Variants in FAM13B observed in about 807,000 individuals in gnomAD.
FAM13B encodes family with sequence similarity 13 member B.
In FAM13B, 60 loss-of-function variants were observed where a neutral mutation model predicts 117.3. That is an observed-to-expected ratio of 0.51 (90% CI 0.42 to 0.63). The LOEUF (loss-of-function observed/expected upper bound fraction) is 0.63, where lower values mean the gene tolerates loss of function less well. FAM13B is among the 30% of genes least tolerant of loss of function. The pLI, the probability that FAM13B is intolerant of heterozygous loss-of-function variation, is 0.00. For synonymous variants in FAM13B, 332 were observed against 356.1 expected, an observed-to-expected ratio of 0.93 and a Z score of 0.76; for missense variants, 972 against 1,091.9, an observed-to-expected ratio of 0.89 and a Z score of 1.55.
At chr5:137,959,519 A>G in intron 13 of FAM13B, 97 bp downstream of exon 13, 2 of 1,258,318 alleles carry the variant, frequency 1.6e-6, no homozygotes, top group South Asian at 1.4e-5. Context: ...AAGATGAATA[A>G]GGTTATCCAG....
chr5:138,012,007 C>T, intron 4 of FAM13B, 62 bp from the exon 5 acceptor site: 1 of 1,249,860 alleles, frequency 8.0e-7, no homozygotes, highest in Non-Finnish European at 1.1e-6. Flanking sequence ...TGATATTTTG[C>T]CAGGTTCACA....
Position 137,987,447 on chromosome 5 carries a change from A to G in FAM13B, c.1046+14T>C. ...TTTATAACATTTAATAAACAACAGT[A>G]AAATGTTTCTTACTGGTTATTAGAT... On this transcript the variant is annotated intron_variant, in intron 9 of 23. Coordinates refer to ENST00000689681, the MANE Select transcript of FAM13B (RefSeq NM_001385994.1). 6.3e-7 allele frequency: 1 copy of G among 1,596,426 alleles called. No homozygotes were observed. Among genetic ancestry groups the G allele is most frequent in the Non-Finnish European group, 8.5e-7 (1 of 1,170,592 alleles).
chr5:138,009,840 G>A (rs970859356), intron 6 of FAM13B, among the ~76,000 whole-genome samples: 3 of 151,412 alleles, frequency 2.0e-5, no homozygotes, highest in African/African-American at 4.9e-5. Context: ...GCAGGGGTGG[G>A]AATTATTGTG....
chr5:137,944,642 C>T (rs1762909660), intron 20 of FAM13B, among the ~76,000 whole-genome samples: 1 of 151,742 alleles, frequency 6.6e-6, no homozygotes, highest in Non-Finnish European at 1.5e-5. Flanking sequence ...GCCTGTAATC[C>T]CAGCTACTTG....
intron 13 of FAM13B, 63 bp downstream of exon 13, chr5:137,959,553 G>T: frequency 6.4e-7 from 1 of 1,554,458 alleles, no homozygotes; most frequent in Non-Finnish European, 8.9e-7. Flanking sequence ...TCTTATCATT[G>T]CTTAGGGTAA....
At chr5:137,993,495 CAA>C (rs1424342209) in intron 7 of FAM13B, among the ~76,000 whole-genome samples, 1 of 151,552 alleles carries the variant, frequency 6.6e-6, no homozygotes, top group Non-Finnish European at 1.5e-5. Flanking sequence ...TTTAATAAAG[CAA>C]AGAGGCTGAG....
chr5:137,967,696 C>G (rs1356552054), intron 10 of FAM13B, among the ~76,000 whole-genome samples: 1 of 151,786 alleles, frequency 6.6e-6, no homozygotes, highest in Non-Finnish European at 1.5e-5. Flanking sequence ...AGTTCAAGAC[C>G]AGCCCAGGCA....
At position 138,032,891 on chromosome 5, in the gene FAM13B, C is replaced by T. The variant is rs1790535315; in HGVS notation, c.-312G>A. 3.0e-6 allele frequency: 3 copies of T among 985,594 alleles called. No individual in the cohort carries two copies. The highest frequency in any genetic ancestry group is 1.7e-5 in the African/African-American group (1 of 57,246). 61.1% of individuals were successfully genotyped at this position (985,594 alleles called of 1,614,324 possible). A position where few individuals can be genotyped will look rare whatever the true frequency, so the allele number is the denominator to read the frequency against. Reference sequence around the variant, plus strand: ...CCAAGTGGCTCCGCGGCCGAGAAGCCTCTTCCTGGGGCGGCCGCTGACGGG... The same window carrying T: ...CCAAGTGGCTCCGCGGCCGAGAAGCTTCTTCCTGGGGCGGCCGCTGACGGG... On this transcript the variant is annotated 5_prime_UTR_variant, in exon 1 of 24. Coordinates refer to ENST00000689681, the MANE Select transcript of FAM13B (RefSeq NM_001385994.1).
chr5:137,994,459 G>A (rs1207782937), intron 7 of FAM13B, among the ~76,000 whole-genome samples: 4 of 152,058 alleles, frequency 2.6e-5, no homozygotes, highest in Admixed American at 2.0e-4. Context: ...ATATCAGCCA[G>A]GGCTCACACA....
chr5:137,942,743 G>C, intron 22 of FAM13B, 132 bp downstream of exon 22: 1 of 683,726 alleles, frequency 1.5e-6, no homozygotes, highest in African/African-American at 1.9e-5. Flanking sequence ...AATCACACTT[G>C]AAAAGCATGT....
chr5:138,037,556 A>G (rs989196215), upstream of FAM13B, among the ~76,000 whole-genome samples: 1 of 152,078 alleles, frequency 6.6e-6, no homozygotes, highest in African/African-American at 2.4e-5. Flanking sequence ...CATTATTCAC[A>G]GAGAATGCAA....
chr5:137,955,663 G>A (rs1340084711), intron 14 of FAM13B, among the ~76,000 whole-genome samples: 1 of 152,048 alleles, frequency 6.6e-6, no homozygotes, highest in African/African-American at 2.4e-5. Flanking sequence ...ATGGAGTCTT[G>A]CTCTGTCACC....
Position 137,988,217 on chromosome 5 carries a change from C to A in FAM13B, c.890+57G>T, listed in dbSNP as rs562015193. ...CACAAGTACATTATTTTCATTTCTA[C>A]AGCTTAGTAGTATTTTAAAATCTTA... On this transcript the variant is annotated intron_variant, in intron 8 of 23. Transcript: ENST00000689681. 4.8e-5 allele frequency: 61 copies of A among 1,278,618 alleles called. 1 individual carries two copies. In the African/African-American group the frequency reaches 7.2e-4, roughly 15 times the overall value. The allele number at this position is 1,278,618 out of a possible 1,614,324, so 79.2% of individuals were successfully genotyped here.
chr5:137,956,939 G>A (rs1766739297), intron 13 of FAM13B, among the ~76,000 whole-genome samples: 1 of 152,206 alleles, frequency 6.6e-6, no homozygotes, highest in Non-Finnish European at 1.5e-5. Context: ...GTTAGCAGGA[G>A]AGAATCTGAA....
At chr5:137,983,514 G>A (rs115998289) in intron 10 of FAM13B, among the ~76,000 whole-genome samples, 21 of 152,216 alleles carry the variant, frequency 1.4e-4, no homozygotes, top group African/African-American at 4.6e-4. Flanking sequence ...GGGGGGAGTC[G>A]AGAGAGGGTT....
chr5:137,967,068 G>C (rs1770200044), intron 10 of FAM13B, among the ~76,000 whole-genome samples: 1 of 151,188 alleles, frequency 6.6e-6, no homozygotes, highest in African/African-American at 2.4e-5. Context: ...TCTCAGAATA[G>C]GGAAGGCCTT....
At chr5:137,978,230 T>A (rs1264668108) in intron 10 of FAM13B, among the ~76,000 whole-genome samples, 2 of 152,252 alleles carry the variant, frequency 1.3e-5, no homozygotes, top group South Asian at 2.1e-4. Flanking sequence ...TTTTTTCCGA[T>A]GAAGAAACCC....
intron 1 of FAM13B, chr5:138,039,422 CCTA>C (rs1292318724): frequency 1.3e-5 from 2 of 152,048 alleles, no homozygotes; most frequent in Non-Finnish European, 2.9e-5. Context: ...TTTGAGCCTT[CCTA>C]TCATTTGACC....
At chr5:137,993,672 A>G (rs1404322253) in intron 7 of FAM13B, among the ~76,000 whole-genome samples, 1 of 151,910 alleles carries the variant, frequency 6.6e-6, no homozygotes, top group Non-Finnish European at 1.5e-5. Context: ...CTGTAGTTCC[A>G]GTTACTCGGG....
Sources: gnomAD v4.1 joint callset for allele counts (sites outside exome capture counted in the v4.1 genomes callset) on GRCh38, gnomAD v4.1.1 for gene constraint, MANE v1.5 for transcripts, NCBI Gene and HGNC (gene_info 2026-07-23, HGNC 2026-07-21) for gene names.